The following ME1 variants were observed in gnomAD, a reference collection of about 807,000 sequenced individuals.
ME1 encodes malic enzyme 1.
A neutral mutation model predicts 66.4 loss-of-function variants in ME1; 74 were observed. The ratio of observed to expected loss-of-function variants is 1.11; its 90% CI spans 0.92 to 1.35. The LOEUF is 1.35. Ranked by LOEUF, ME1 falls within the 40% of genes most tolerant of loss-of-function variation. The probability of loss-of-function intolerance (pLI) is 0.00; values close to 1 mark genes in which losing one functional copy is unlikely to be tolerated. For missense variants in ME1, 750 were observed against 694.1 expected (o/e 1.08, Z -0.90); for synonymous variants, 251 against 235.6 (o/e 1.07, Z -0.60).
intron 6 of ME1, among the ~76,000 whole-genome samples, chr6:83,263,809 AT>A (rs1487562228): frequency 2.0e-4 from 23 of 115,738 alleles, no homozygotes; most frequent in African/African-American, 8.8e-4. Context: ...ATAACATAAC[AT>A]AACATAACAT....
chr6:83,247,338 A>G (rs2128527212), intron 7 of ME1, among the ~76,000 whole-genome samples: 1 of 152,190 alleles, frequency 6.6e-6, no homozygotes, highest in Non-Finnish European at 1.5e-5. Context: ...CAATTTCTTA[A>G]TAGATTCAAT....
At chr6:83,344,623 C>G (rs967293853) in intron 5 of ME1, among the ~76,000 whole-genome samples, 4 of 152,046 alleles carry the variant, frequency 2.6e-5, no homozygotes, top group Non-Finnish European at 5.9e-5. Flanking sequence ...GTGGCTCACG[C>G]CGGTAATCCC....
chr6:83,224,074 T>C, intron 11 of ME1, 141 bp from the exon 12 acceptor site: 2 of 743,292 alleles, frequency 2.7e-6, no homozygotes, highest in South Asian at 1.9e-5. Flanking sequence ...CTAATAAGTC[T>C]GGACAAGCTT....
intron 6 of ME1, among the ~76,000 whole-genome samples, chr6:83,254,070 C>T (rs967907210): frequency 2.0e-5 from 3 of 151,762 alleles, no homozygotes; most frequent in African/African-American, 4.8e-5. Context: ...ATAGGTGTTC[C>T]GAAGATAGAT....
chr6:83,217,332 G>C (rs1050091273), intron 12 of ME1, among the ~76,000 whole-genome samples: 1 of 152,162 alleles, frequency 6.6e-6, no homozygotes, highest in African/African-American at 2.4e-5. Flanking sequence ...GATGCAGAGA[G>C]GGAGTAGGAA....
chr6:83,234,028 G>A lies in ME1; in HGVS notation c.1026+3689C>T, dbSNP rs1004718813. Among the ~76,000 whole-genome samples the A allele has an allele frequency of 9.2e-5, 14 of 151,796 alleles. 1 individual carries two copies. Among genetic ancestry groups the A allele is most frequent in the Admixed American group, 5.9e-4 (9 of 15,214 alleles). The stretch of plus-strand genomic sequence containing the variant: ...AGAATATATGAACTTCTTTATTTTG[G>A]CAAGTAAAAGACACGAAGTAAGAGA... On this transcript the variant is annotated intron_variant, in intron 9 of 13. Coordinates refer to ENST00000369705, the MANE Select transcript of ME1 (RefSeq NM_002395.6).
intron 5 of ME1, among the ~76,000 whole-genome samples, chr6:83,328,927 A>G (rs1370036586): frequency 6.6e-6 from 1 of 152,106 alleles, no homozygotes; most frequent in African/African-American, 2.4e-5. Context: ...AAAAGGAGAT[A>G]AGGAGGGTAT....
chr6:83,371,845 T>A (rs1769197978), intron 3 of ME1, among the ~76,000 whole-genome samples: 1 of 152,164 alleles, frequency 6.6e-6, no homozygotes, highest in South Asian at 2.1e-4. Context: ...AAATTATAGC[T>A]GTACTATTAT....
intron 6 of ME1, among the ~76,000 whole-genome samples, chr6:83,285,654 G>A (rs994645364): frequency 2.0e-5 from 3 of 152,102 alleles, no homozygotes; most frequent in African/African-American, 7.2e-5. Context: ...ACACCTAGAG[G>A]AGTGTTCAGG....
At position 83,259,133 on chromosome 6, in the gene ME1, T is replaced by C. The variant is rs763516403; in HGVS notation, c.705-5395A>G. 4.6e-5 allele frequency among the ~76,000 whole-genome samples: 7 copies of C among 152,322 alleles called. No individual in the cohort carries two copies. In the East Asian group the frequency reaches 1.3e-3, roughly 29 times the overall value. ...TTCCTGAGATATAGTAAAATGTTTTTATAGGATTTATTACATATGGAACAT... is the reference window on the plus strand; with the variant it reads ...TTCCTGAGATATAGTAAAATGTTTTCATAGGATTTATTACATATGGAACAT... On this transcript the variant is annotated intron_variant, in intron 6 of 13. Coordinates refer to ENST00000369705, the MANE Select transcript of ME1 (RefSeq NM_002395.6).
chr6:83,243,367 T>C (rs1790543077), intron 7 of ME1, among the ~76,000 whole-genome samples: 1 of 118,194 alleles, frequency 8.5e-6, no homozygotes, highest in Non-Finnish European at 1.7e-5. Flanking sequence ...TATAATATAT[T>C]ATATAATAGA....
At chr6:83,253,771 T>A (rs749422260) in intron 6 of ME1, 33 bp from the exon 7 acceptor site, 6 of 1,052,626 alleles carry the variant, frequency 5.7e-6, no homozygotes, top group East Asian at 4.8e-5. Context: ...TTAGAAGAGG[T>A]TAATAAAATG....
At chr6:83,421,608 T>G (rs1230483731) in intron 1 of ME1, among the ~76,000 whole-genome samples, 1 of 152,202 alleles carries the variant, frequency 6.6e-6, no homozygotes, top group Admixed American at 6.5e-5. Flanking sequence ...GGCTTTTTTT[T>G]CTCTCTGCTG....
At chr6:83,296,411 A>T (rs1583363716) in intron 6 of ME1, among the ~76,000 whole-genome samples, 1 of 152,244 alleles carries the variant, frequency 6.6e-6, no homozygotes, top group East Asian at 1.9e-4. Flanking sequence ...AGAACTAAAG[A>T]TAAAACACAT....
At chr6:83,392,463 C>T in intron 3 of ME1, 8 of 507,806 alleles carry the variant, frequency 1.6e-5, no homozygotes, top group Admixed American at 1.0e-4. Context: ...GTATTGGCTG[C>T]CTGGTCACCA....
chr6:83,254,416 A>C (rs1434961706), intron 6 of ME1, among the ~76,000 whole-genome samples: 1 of 152,086 alleles, frequency 6.6e-6, no homozygotes, highest in African/African-American at 2.4e-5. Flanking sequence ...TTGAGTCCTC[A>C]TGGCTTAATC....
chr6:83,382,289 G>A (rs1327078574), intron 3 of ME1, among the ~76,000 whole-genome samples: 4 of 152,056 alleles, frequency 2.6e-5, no homozygotes, highest in African/African-American at 9.7e-5. Context: ...GCTTGGTAAA[G>A]TGCCTGGCAT....
intron 4 of ME1, among the ~76,000 whole-genome samples, chr6:83,348,721 C>G (rs1459843704): frequency 6.6e-6 from 1 of 151,060 alleles, no homozygotes; most frequent in African/African-American, 2.4e-5. Flanking sequence ...TGCAGTAGCT[C>G]ACGCTTATAA....
rs1180937130 is a variant in ME1, at chr6:83,344,879, CA to C, written c.600+1293del. On this transcript the variant is annotated intron_variant, in intron 5 of 13. Transcript: ENST00000369705. ...CCTGGGTGACAGCAAGACTCCGTCT[CA>C]AAAAAAAATAAAATAAAATAAAATA... Among the ~76,000 whole-genome samples the C allele has an allele frequency of 7.6e-5, 11 of 144,642 alleles. No individual in the cohort carries two copies. The East Asian group carries it at 1.6e-3, about 21-fold the overall frequency. The allele number at this position is 144,642 out of a possible 152,430, so 94.9% of individuals were successfully genotyped here.
Sources: allele counts gnomAD v4.1 joint callset (sites outside exome capture counted in the v4.1 genomes callset), GRCh38; gene constraint gnomAD v4.1.1; transcripts MANE v1.5; gene names NCBI Gene and HGNC (gene_info 2026-07-23, HGNC 2026-07-21).